CHRNB4: variants seen among roughly 807,000 people sequenced by gnomAD.
CHRNB4 encodes neuronal acetylcholine receptor subunit beta-4.
CHRNB4 carries 23 observed loss-of-function variants against 40.4 expected under a neutral mutation model. That is an observed-to-expected ratio of 0.57 (90% confidence interval 0.41 to 0.81). The LOEUF is 0.81. Ranked by LOEUF, CHRNB4 falls within the 30% of genes least tolerant of loss-of-function variation. The probability of loss-of-function intolerance (pLI) is 0.00; values close to 1 mark genes in which losing one functional copy is unlikely to be tolerated. For missense variants in CHRNB4, 568 were observed against 670.6 expected (o/e 0.85, Z 1.69); for synonymous variants, 285 against 274.4 (o/e 1.04, Z -0.38).
intron 5 of CHRNB4, chr15:78,655,440 A>C (rs2054205498): frequency 7.3e-6 from 1 of 136,536 alleles, no homozygotes; most frequent in Non-Finnish European, 1.6e-5. Flanking sequence ...ATCTATATAT[A>C]TCTATATCTA....
At chr15:78,660,961 A>G, upstream of CHRNB4, 1 of 435,246 alleles carries the variant, frequency 2.3e-6, no homozygotes, top group South Asian at 1.9e-5. Context: ...CAGCAGGACA[A>G]GGGTGGGGTC....
chr15:78,643,993 C>CA (rs34477808), upstream of CHRNB4, among the ~76,000 whole-genome samples: 1,664 of 115,918 alleles, frequency 0.014, 33 homozygotes, highest in South Asian at 0.046. Flanking sequence ...ACTAAAAATA[C>CA]AAAAAAAAAA....
chr15:78,625,747 A>C (rs2053637209), intron 5 of CHRNB4: 1 of 154,416 alleles, frequency 6.5e-6, no homozygotes, highest in Non-Finnish European at 1.4e-5. Context: ...ACCGGGGCTT[A>C]CAGAACACCT....
rs558456754 is a variant in CHRNB4, at chr15:78,624,696, G to GA, written c.*436dup. 0.059 allele frequency: 17,217 copies of GA among 292,366 alleles called. No individual in the cohort carries two copies. The highest frequency in any genetic ancestry group is 0.098 in the Middle Eastern group (103 of 1,054). The allele number at this position is 292,366 out of a possible 1,614,324, so 18.1% of individuals were successfully genotyped here. A position where few individuals can be genotyped will look rare whatever the true frequency, so the allele number is the denominator to read the frequency against. The stretch of plus-strand genomic sequence containing the variant: ...CGATATAGCAAGACTCCGTTTAAAA[G>GA]AAAAAAAAAAAGATGATGATATGGC... On this transcript the variant is annotated 3_prime_UTR_variant, in exon 6 of 6. Transcript: ENST00000261751.
intron 7 of CHRNB4, among the ~76,000 whole-genome samples, chr15:78,646,843 A>G (rs1290910196): frequency 6.6e-6 from 1 of 152,216 alleles, no homozygotes; most frequent in East Asian, 1.9e-4. Flanking sequence ...AATTTCCTAA[A>G]CAAAATACTG....
chr15:78,627,292 A>G (rs1275288474), intron 5 of CHRNB4: 3 of 152,138 alleles, frequency 2.0e-5, no homozygotes, highest in Non-Finnish European at 4.4e-5. Context: ...TCTCCTGGGG[A>G]CCTGGTTAAA....
chr15:78,642,485 C>G (rs1274056266), upstream of CHRNB4, among the ~76,000 whole-genome samples: 1 of 152,142 alleles, frequency 6.6e-6, no homozygotes, highest in Non-Finnish European at 1.5e-5. Flanking sequence ...AAGCGGGGAC[C>G]AAAAGACTCT....
rs772727413 is a variant in CHRNB4 at position 78,631,148 on chromosome 15, C to T, written c.287G>A (p.Arg96His). ...CCTCAGGATGTTCACACCCTCGTAG[C>T]GGGAGCTGTTCCAGGTCAGGCGGTA... ...TDYRLTWNSS[R>H]YEGVNILRIP... Residue 96 changes from arginine (R) to histidine (H), a missense_variant, in exon 4 of 6, where the codon CGC becomes CAC. Around this residue, in one of 4 missense-constraint regions of CHRNB4, gnomAD observed 161 missense variants for 148.1 expected, o/e 1.09. Coordinates refer to ENST00000261751, the MANE Select transcript of CHRNB4 (RefSeq NM_000750.5). 2.2e-5 allele frequency: 36 copies of T among 1,614,102 alleles called. No individual in the cohort carries two copies. The highest frequency in any genetic ancestry group is 3.3e-4 in the Middle Eastern group (2 of 6,084).
In CHRNB4 at chr15:78,629,647, C is replaced by T. The variant is rs774714066; in HGVS notation, c.658G>A (p.Val220Met). Residue 220 changes from valine (V) to methionine (M), a missense_variant, in exon 5 of 6, where the codon GTG becomes ATG. This residue lies in a region of CHRNB4 where 127 missense variants were observed against 167.4 expected (regional missense o/e 0.76). Transcript: ENST00000261751. The surrounding 1 kb of genome is among the most constrained non-coding windows in gnomAD (Gnocchi z 6.8). ...ATGATGAAGTCGTAAGTCACGTCCA[C>T]GTAGCTGGGGTCTTGTGGGTTCACT... is the stretch of plus-strand genomic sequence containing the variant. ...RTVNPQDPSY[V>M]DVTYDFIIKR... 3.7e-5 allele frequency: 60 copies of T among 1,613,984 alleles called. No homozygotes were observed. The highest frequency in any genetic ancestry group is 3.6e-4 in the African/African-American group (27 of 74,908).
chr15:78,634,132 T>C (rs1272870540), intron 2 of CHRNB4, among the ~76,000 whole-genome samples: 2 of 152,166 alleles, frequency 1.3e-5, no homozygotes, highest in Admixed American at 1.3e-4. Flanking sequence ...CACAACCTAA[T>C]ATTTACTGTA....
At chr15:78,638,852 C>CT (rs1200400955) in intron 1 of CHRNB4, among the ~76,000 whole-genome samples, 1 of 152,214 alleles carries the variant, frequency 6.6e-6, no homozygotes, top group Non-Finnish European at 1.5e-5. Context: ...GTGGAAGCTT[C>CT]TGCAGCACGG....
chr15:78,651,291 GCAGGCAGA>G (rs2054169338), intron 6 of CHRNB4, among the ~76,000 whole-genome samples: 1 of 152,170 alleles, frequency 6.6e-6, no homozygotes, highest in South Asian at 2.1e-4. Context: ...AAGCAGGGTG[GCAGGCAGA>G]CCTGATCAAA....
intron 7 of CHRNB4, among the ~76,000 whole-genome samples, chr15:78,646,572 C>T (rs753958736): frequency 1.3e-5 from 2 of 152,168 alleles, no homozygotes; most frequent in East Asian, 1.9e-4. Flanking sequence ...CCACCATGGT[C>T]GGCTCTTGGT....
At chr15:78,652,624 G>A (rs1442928378) in exon 6 of CHRNB4, 2 of 152,234 alleles carry the variant, frequency 1.3e-5, no homozygotes, top group Non-Finnish European at 2.9e-5. Context: ...AGATTGGAGT[G>A]AGTTTCCTCC....
chr15:78,628,830 C>T, intron 5 of CHRNB4, 137 bp downstream of exon 5: 1 of 1,110,886 alleles, frequency 9.0e-7, no homozygotes, highest in Non-Finnish European at 1.3e-6. Flanking sequence ...AACACAAACT[C>T]ATTTCAATTT....
chr15:78,660,603 T>C (rs1430605947), upstream of CHRNB4: 2 of 155,744 alleles, frequency 1.3e-5, no homozygotes, highest in African/African-American at 4.8e-5. Flanking sequence ...CACGTCACAG[T>C]CCCTGTAAGG....
At chr15:78,661,400 T>TTCA, upstream of CHRNB4, 1 of 523,636 alleles carries the variant, frequency 1.9e-6, no homozygotes, top group South Asian at 1.7e-5. Flanking sequence ...GCCAGGAAGC[T>TTCA]TCATCTTCCG....
chr15:78,650,084 G>T (rs2054159902), intron 6 of CHRNB4, among the ~76,000 whole-genome samples: 2 of 152,206 alleles, frequency 1.3e-5, no homozygotes, highest in Non-Finnish European at 2.9e-5. Context: ...CGCCCTCCCT[G>T]CTGTGCACCC....
chr15:78,635,040 C>T (rs1475469178), intron 2 of CHRNB4, among the ~76,000 whole-genome samples: 1 of 152,158 alleles, frequency 6.6e-6, no homozygotes, highest in East Asian at 1.9e-4. Flanking sequence ...CTATCAGTTC[C>T]CCCAGTCTGG....
Sources: allele counts gnomAD v4.1 joint callset (sites outside exome capture counted in the v4.1 genomes callset), GRCh38; gene constraint gnomAD v4.1.1; regional missense constraint gnomAD v4.1.1; non-coding constraint Gnocchi (gnomAD v3.1); transcripts MANE v1.5; gene names NCBI Gene and HGNC (gene_info 2026-07-23, HGNC 2026-07-21).